GLB1L: variants seen among roughly 807,000 people sequenced by gnomAD.
GLB1L encodes the protein galactosidase beta 1 like, also known as beta-galactosidase-1-like protein.
Under a neutral mutation model 75.7 loss-of-function variants are expected in GLB1L, and 58 were observed. The ratio of observed to expected loss-of-function variants is 0.77; its 90% CI spans 0.62 to 0.95. The LOEUF is 0.95. GLB1L is among the 40% of genes least tolerant of loss of function. The pLI is 0.00. For synonymous variants in GLB1L, 296 were observed against 303.0 expected (o/e 0.98, Z 0.24); for missense variants, 797 against 805.5 (o/e 0.99, Z 0.13).
Position 219,238,736 on chromosome 2 carries a change from T to A in GLB1L, c.1106A>T (p.Lys369Met), listed in dbSNP as rs767146478. The A allele has an allele frequency of 1.2e-6, 2 of 1,613,938 alleles. No individual in the cohort carries two copies. Among genetic ancestry groups the A allele is most frequent in the Non-Finnish European group, 1.7e-6 (2 of 1,179,986 alleles). ...PLGPLPPPSP[K>M]MMLGPVTLHL... ...CAGAGTCACAGGTCCAAGCATCATC[T>A]TGGGGCTCGGGGGAGGTAAAGGTCC... Residue 369 changes from lysine (K) to methionine (M), a missense_variant, in exon 12 of 17, where the codon AAG becomes ATG. Transcript: ENST00000295759.
In GLB1L at chr2:219,239,439, A is replaced by G; in HGVS notation, c.915T>C (p.His305=). The change falls in exon 10 of 17, where the codon CAT becomes CAC. Residue 305 remains histidine (H), a synonymous_variant. Transcript: ENST00000295759. ...TCCAATATCCAAAGTTGGTACCTCC[A>G]TGGAACATGTACCTGAAGTGAGAGA... is the stretch of plus-strand genomic sequence containing the variant. ...LGASVNMYMF[H]GGTNFGYWNG... The G allele has an allele frequency of 6.2e-7, 1 of 1,606,852 alleles. No homozygotes were observed. The highest frequency in any genetic ancestry group is 8.5e-7 in the Non-Finnish European group (1 of 1,175,854).
intron 3 of GLB1L, 57 bp from the exon 4 acceptor site, chr2:219,242,975 C>A (rs1011935948): frequency 6.2e-7 from 1 of 1,602,304 alleles, no homozygotes; most frequent in African/African-American, 1.3e-5. Flanking sequence ...GGAGGCCTAA[C>A]GGCTCAGGCC....
chr2:219,239,044 C>T lies in GLB1L; in HGVS notation c.1062+48G>A, dbSNP rs201048814. ...ACCTTTACAATGTGGGCACTCCCTT[C>T]CTCCAAATTAATAAAAGCCTTTGGA... On this transcript the variant is annotated intron_variant, in intron 11 of 16. Transcript: ENST00000295759. 36 of 1,310,306 alleles carry T rather than the reference C, an allele frequency of 2.7e-5. No homozygotes were observed. The Middle Eastern group carries it at 1.5e-3, about 54-fold the overall frequency. The allele number at this position is 1,310,306 out of a possible 1,614,324, so 81.2% of individuals were successfully genotyped here. A position where few individuals can be genotyped will look rare whatever the true frequency, so the allele number is the denominator to read the frequency against.
Position 219,237,727 on chromosome 2 carries a change from C to T in GLB1L, c.1474G>A (p.Gly492Ser), listed in dbSNP as rs1951284929. The T allele has an allele frequency of 6.2e-7, 1 of 1,613,552 alleles. No individual in the cohort carries two copies. ...SFGSNSSDFK[G>S]LLKPPILGQT... ...CCCAGAATTGGTGGCTTCAACAGGC[C>T]CTATAGGGAAGGAAAATGAAAAGTC... The change falls in exon 16 of 17, where the codon GGC (glycine) becomes AGC (serine). Residue 492 changes from glycine (G) to serine (S), a missense_variant and splice_region_variant. Gly to Ser is a moderately conservative substitution (Grantham distance 56). Coordinates refer to ENST00000295759, the MANE Select transcript of GLB1L (RefSeq NM_001286423.2).
chr2:219,242,145 G>A (rs1364886898), intron 5 of GLB1L, among the ~76,000 whole-genome samples: 7 of 151,928 alleles, frequency 4.6e-5, no homozygotes, highest in Admixed American at 6.6e-5. Flanking sequence ...CCACCACCTC[G>A]CCCAGCCAAT....
intron 5 of GLB1L, among the ~76,000 whole-genome samples, chr2:219,241,291 A>AT (rs1381155545): frequency 6.6e-6 from 1 of 151,388 alleles, no homozygotes; most frequent in Non-Finnish European, 1.5e-5. Context: ...AGGCAGGAGA[A>AT]TGGCGTGAAC....
chr2:219,244,225 C>A (rs976561749), intron 1 of GLB1L, among the ~76,000 whole-genome samples: 1 of 152,196 alleles, frequency 6.6e-6, no homozygotes, highest in Non-Finnish European at 1.5e-5. Flanking sequence ...TGTATTTTAA[C>A]AAGATTCCCA....
chr2:219,245,021 A>C (rs1232487188), intron 1 of GLB1L, among the ~76,000 whole-genome samples: 1 of 152,210 alleles, frequency 6.6e-6, no homozygotes, highest in Non-Finnish European at 1.5e-5. Flanking sequence ...TGCTATTAAC[A>C]CTCAATTTAG....
Position 219,239,458 on chromosome 2 carries a change from T to C in GLB1L, c.903-7A>G. 1 of 1,608,858 alleles carries C rather than the reference T, an allele frequency of 6.2e-7. No individual in the cohort carries two copies. Among genetic ancestry groups the C allele is most frequent in the East Asian group, 2.2e-5 (1 of 44,864 alleles). ...ACCTCCATGGAACATGTACCTGAAG[T>C]GAGAGAGGGTGGGGGAACAGGTAAA... On this transcript the variant is annotated splice_polypyrimidine_tract_variant and splice_region_variant and intron_variant, in intron 9 of 16. Coordinates refer to ENST00000295759, the MANE Select transcript of GLB1L (RefSeq NM_001286423.2).
chr2:219,242,642 G>A (rs1384051534), intron 4 of GLB1L, 68 bp from the exon 5 acceptor site: 14 of 1,533,188 alleles, frequency 9.1e-6, no homozygotes, highest in Non-Finnish European at 1.3e-5. Context: ...GGGAAGCTAG[G>A]AAGGGAAGGA....
At position 219,238,282 on chromosome 2, in the gene GLB1L, C is replaced by T; in HGVS notation, c.1309G>A (p.Val437Ile). 4 of 1,612,180 alleles carry T rather than the reference C, an allele frequency of 2.5e-6. No individual in the cohort carries two copies. Among genetic ancestry groups the T allele is most frequent in the Non-Finnish European group, 3.4e-6 (4 of 1,178,890 alleles). Reference sequence around the variant, plus strand: ...ACCATCACATAGGCACGGTCATGGACTCCATTATTTGGCACCCAGAATGGT... The same window carrying T: ...ACCATCACATAGGCACGGTCATGGATTCCATTATTTGGCACCCAGAATGGT... ...PTPFWVPNNGVHDRAYVMVDG... is the reference protein window; with the variant it reads ...PTPFWVPNNGIHDRAYVMVDG... Residue 437 changes from valine (V) to isoleucine (I), a missense_variant, in exon 14 of 17, where the codon GTC (valine) becomes ATC (isoleucine). Transcript: ENST00000295759.
At chr2:219,239,360 C>G (rs555801479) in intron 10 of GLB1L, 51 bp downstream of exon 10, 3 of 1,550,884 alleles carry the variant, frequency 1.9e-6, no homozygotes, top group South Asian at 2.5e-5. Context: ...CCCTTAGATT[C>G]TAATTCCTTG....
intron 11 of GLB1L, 30 bp from the exon 12 acceptor site, chr2:219,238,809 G>A: frequency 6.4e-7 from 1 of 1,565,158 alleles, no homozygotes; most frequent in South Asian, 1.1e-5. Context: ...GGATCCATAG[G>A]AAAACCACAG....
Position 219,238,751 on chromosome 2 carries a change from G to A in GLB1L, c.1091C>T (p.Pro364Leu). 6.2e-7 allele frequency: 1 copy of A among 1,613,896 alleles called. No homozygotes were observed. The highest frequency in any genetic ancestry group is 1.1e-5 in the South Asian group (1 of 91,042). The change falls in exon 12 of 17, where the codon CCT becomes CTT. Residue 364 changes from proline (P) to leucine (L), a missense_variant. Pro to Leu is a moderately conservative substitution (Grantham distance 98). Transcript: ENST00000295759. ...AAGCATCATCTTGGGGCTCGGGGGA[G>A]GTAAAGGTCCCAAAGGAACTTCCTG... Reference protein sequence around the residue: ...KFQEVPLGPLPPPSPKMMLGP... With the variant: ...KFQEVPLGPLLPPSPKMMLGP...
chr2:219,240,513 G>A (rs2125055869), intron 5 of GLB1L, among the ~76,000 whole-genome samples: 1 of 152,336 alleles, frequency 6.6e-6, no homozygotes, highest in East Asian at 1.9e-4. Context: ...GGAGGCGGAG[G>A]CAGGCAGATC....
intron 2 of GLB1L, 30 bp downstream of exon 2, chr2:219,243,472 C>G (rs756576550): frequency 6.2e-7 from 1 of 1,613,184 alleles, no homozygotes; most frequent in South Asian, 1.1e-5. Context: ...CTCACCGCAC[C>G]CGGCAGGCTG....
intron 5 of GLB1L, among the ~76,000 whole-genome samples, chr2:219,241,977 A>G (rs140343642): frequency 1.3e-5 from 2 of 152,182 alleles, no homozygotes; most frequent in Admixed American, 6.5e-5. Flanking sequence ...TTGTCAAGAT[A>G]CAGCTGATAG....
intron 15 of GLB1L, 34 bp from the exon 16 acceptor site, chr2:219,237,761 C>G (rs1331203456): frequency 3.7e-6 from 6 of 1,612,962 alleles, no homozygotes; most frequent in Non-Finnish European, 8.5e-7. Flanking sequence ...TCATCATTCA[C>G]TAAGCTTTGA....
rs200650413 is a variant in GLB1L at position 219,237,245 on chromosome 2, C to A, written c.1792G>T (p.Ala598Ser). The A allele has an allele frequency of 1.1e-5, 17 of 1,614,166 alleles. No individual in the cohort carries two copies. Among genetic ancestry groups the A allele is most frequent in the Middle Eastern group, 1.6e-4 (1 of 6,062 alleles). ...VPRFLLFPRG[A>S]LNKITLLELE... Reference sequence around the variant, plus strand: ...TCCAGCAATGTAATTTTGTTGAGGGCTCCCCTAGGAAACAGCAGGAATCTT... The same window carrying A: ...TCCAGCAATGTAATTTTGTTGAGGGATCCCCTAGGAAACAGCAGGAATCTT... Residue 598 changes from alanine to serine, a missense_variant, in exon 17 of 17, where the codon GCC becomes TCC. Ala to Ser is a moderately conservative substitution (Grantham distance 99). Transcript: ENST00000295759.
Sources: allele counts gnomAD v4.1 joint callset (sites outside exome capture counted in the v4.1 genomes callset), GRCh38; gene constraint gnomAD v4.1.1; transcripts MANE v1.5; gene names NCBI Gene and HGNC (gene_info 2026-07-23, HGNC 2026-07-21).